Variants in SMPD4 observed in about 807,000 individuals in gnomAD.
SMPD4 encodes the protein neutral sphingomyelinase 3.
SMPD4 carries 58 observed loss-of-function variants against 97.8 expected under a neutral mutation model. The ratio of observed to expected loss-of-function variants is 0.59; its 90% CI spans 0.48 to 0.74. The LOEUF (loss-of-function observed/expected upper bound fraction) is 0.74, where lower values mean the gene tolerates loss of function less well. Among genes scored for constraint, SMPD4 ranks in the 30% least tolerant of loss-of-function variants. SMPD4 has a pLI of 0.00. For missense variants in SMPD4, 853 were observed against 1,080.5 expected (o/e 0.79, Z 2.95); for synonymous variants, 388 against 450.0 (o/e 0.86, Z 1.74).
At chr2:130,170,037 C>CAAA (rs75700996) in intron 8 of SMPD4, among the ~76,000 whole-genome samples, 1 of 106,464 alleles carries the variant, frequency 9.4e-6, no homozygotes. Context: ...CATATCTCCG[C>CAAA]AAAAAAAAAA....
At chr2:130,160,535 C>A (rs147662998) in intron 11 of SMPD4, among the ~76,000 whole-genome samples, 1 of 152,234 alleles carries the variant, frequency 6.6e-6, no homozygotes, top group Non-Finnish European at 1.5e-5. Flanking sequence ...GCAGCTGCAA[C>A]CTCTATGAGG....
intron 9 of SMPD4, 99 bp from the exon 10 acceptor site, chr2:130,164,544 C>G (rs1687741247): frequency 1.1e-6 from 1 of 939,496 alleles, no homozygotes; most frequent in Non-Finnish European, 1.7e-6. Context: ...GCTGGGAACA[C>G]AGAATACCCA....
At chr2:130,170,446 G>A (rs1302168664) in intron 8 of SMPD4, among the ~76,000 whole-genome samples, 1 of 55,922 alleles carries the variant, frequency 1.8e-5, no homozygotes, top group Non-Finnish European at 3.4e-5. Context: ...GGGCAACAGA[G>A]TAAGACCCTG....
chr2:130,154,866 G>T, intron 15 of SMPD4: 1 of 646,908 alleles, frequency 1.5e-6, no homozygotes, highest in Non-Finnish European at 2.6e-6. Flanking sequence ...CCGCTCTGTG[G>T]GCACACCTGC....
At chr2:130,177,446 C>T (rs1689076944) in intron 1 of SMPD4, among the ~76,000 whole-genome samples, 1 of 152,016 alleles carries the variant, frequency 6.6e-6, no homozygotes, top group South Asian at 2.1e-4. Flanking sequence ...ACCTGTAATC[C>T]TAGTACTTTG....
chr2:130,153,494 G>C, intron 17 of SMPD4, 44 bp from the exon 18 acceptor site: 1 of 1,609,168 alleles, frequency 6.2e-7, no homozygotes, highest in Non-Finnish European at 8.5e-7. Flanking sequence ...AAGATGAAGA[G>C]AGGGGACCAG....
intron 2 of SMPD4, among the ~76,000 whole-genome samples, chr2:130,175,472 GGC>G (rs200812596): frequency 0.027 from 4,113 of 152,152 alleles, 149 homozygotes; most frequent in African/African-American, 0.086. Context: ...TCACGGCTAT[GGC>G]AGAAGCTCTC....
At chr2:130,177,765 T>C (rs1008819198) in intron 1 of SMPD4, among the ~76,000 whole-genome samples, 3 of 152,090 alleles carry the variant, frequency 2.0e-5, no homozygotes, top group African/African-American at 4.8e-5. Flanking sequence ...AGAGCCAAGT[T>C]TGTAGTACTG....
At chr2:130,157,156 C>T in intron 12 of SMPD4, 95 bp downstream of exon 12, 1 of 1,472,928 alleles carries the variant, frequency 6.8e-7, no homozygotes, top group Non-Finnish European at 9.1e-7. Context: ...CCTCACCCTG[C>T]CCTCCATGCC....
Position 130,178,472 on chromosome 2 carries a change from A to G in SMPD4, c.-45-1835T>C, listed in dbSNP as rs1349355251. Among the ~76,000 whole-genome samples the G allele has an allele frequency of 5.3e-5, 8 of 152,192 alleles. No individual in the cohort carries two copies. The South Asian group carries it at 1.7e-3, about 31-fold the overall frequency. On this transcript the variant is annotated intron_variant, in intron 1 of 19. Coordinates refer to ENST00000680298, the MANE Select transcript of SMPD4 (RefSeq NM_017951.5). ...ACGGAGGGGAAGAGCAAGCTCTGCC[A>G]AGGGAGCCTTTGAATAAGCCATGAG...
chr2:130,152,608 A>G lies in SMPD4; in HGVS notation c.2431T>C (p.Tyr811His). 1.9e-6 allele frequency: 3 copies of G among 1,552,550 alleles called. No individual in the cohort carries two copies. The highest frequency in any genetic ancestry group is 2.6e-6 in the Non-Finnish European group (3 of 1,148,412). Residue 811 changes from tyrosine to histidine, a missense_variant, in exon 20 of 20, where the codon TAC (tyrosine) becomes CAC (histidine). Tyr to His is a moderately conservative substitution (Grantham distance 83). Around this residue, in one of 3 missense-constraint regions of SMPD4, gnomAD observed 511 missense variants for 608.1 expected, o/e 0.84. Coordinates refer to ENST00000680298, the MANE Select transcript of SMPD4 (RefSeq NM_017951.5). ...GTCAGCAGTGTCATGGCAGAGGCGT[A>G]GAGGACATAGCCCAGGGTGAGCAGC... ...TLLLTLGYVL[Y>H]ASAMTLLTER...
At chr2:130,173,807 G>A (rs1688710036) in intron 3 of SMPD4, 151 bp from the exon 4 acceptor site, 3 of 940,826 alleles carry the variant, frequency 3.2e-6, no homozygotes, top group Middle Eastern at 6.7e-4. Flanking sequence ...AGGAAGCCTG[G>A]TGCCATGGTG....
In SMPD4 at chr2:130,170,955, C is replaced by G. The variant is rs560716082; in HGVS notation, c.659+1394G>C. Among the ~76,000 whole-genome samples the G allele has an allele frequency of 4.6e-5, 7 of 151,392 alleles. 1 individual carries two copies. Among genetic ancestry groups the G allele is most frequent in the Non-Finnish European group, 8.8e-5 (6 of 67,938 alleles). ...CTGTGCCTGTAATCCCAGCTACTTG[C>G]GAGGCTGAGGTGGGAGAATCACTTG... On this transcript the variant is annotated intron_variant, in intron 8 of 19. Coordinates refer to ENST00000680298, the MANE Select transcript of SMPD4 (RefSeq NM_017951.5).
At position 130,181,535 on chromosome 2, in the gene SMPD4, G is replaced by A. The variant is rs1423803265; in HGVS notation, c.-51C>T. The A allele has an allele frequency of 6.2e-7, 1 of 1,604,636 alleles. No individual in the cohort carries two copies. Among genetic ancestry groups the A allele is most frequent in the South Asian group, 1.1e-5 (1 of 89,580 alleles). On this transcript the variant is annotated 5_prime_UTR_variant, in exon 1 of 20. Coordinates refer to ENST00000680298, the MANE Select transcript of SMPD4 (RefSeq NM_017951.5). ...GCGCATCCCGCGCCACTCACCTGTG[G>A]GATCCATAGCGTCGCTCGCCTCAGA...
chr2:130,152,897 C>CA lies in SMPD4; in HGVS notation c.2155-14dup, dbSNP rs776787305. The stretch of plus-strand genomic sequence containing the variant: ...TCTGTCCTGCAAACTGAAGCACAGA[C>CA]AGAGGCACGGGGATGTGGGGTGGTG... On this transcript the variant is annotated splice_polypyrimidine_tract_variant and intron_variant, in intron 19 of 19. Coordinates refer to ENST00000680298, the MANE Select transcript of SMPD4 (RefSeq NM_017951.5). The CA allele has an allele frequency of 5.1e-6, 8 of 1,573,384 alleles. No homozygotes were observed. The highest frequency in any genetic ancestry group is 6.9e-6 in the Non-Finnish European group (8 of 1,157,726).
chr2:130,152,136 G>A lies in SMPD4; in HGVS notation c.*419C>T, dbSNP rs558275685. The stretch of plus-strand genomic sequence containing the variant: ...CTGGTCCCACACAGAGAGAGGAAGC[G>A]CCACAACCCACTCTGCCAACCTCAA... On this transcript the variant is annotated 3_prime_UTR_variant, in exon 20 of 20. Coordinates refer to ENST00000680298, the MANE Select transcript of SMPD4 (RefSeq NM_017951.5). 41 of 181,820 alleles carry A rather than the reference G, an allele frequency of 2.3e-4. No homozygotes were observed. Among genetic ancestry groups the A allele is most frequent in the Middle Eastern group, 2.5e-3 (1 of 402 alleles). The allele number at this position is 181,820 out of a possible 1,614,324, so 11.3% of individuals were successfully genotyped here.
At chr2:130,153,621 T>C in intron 17 of SMPD4, 81 bp downstream of exon 17, 2 of 1,550,850 alleles carry the variant, frequency 1.3e-6, no homozygotes, top group South Asian at 1.2e-5. Flanking sequence ...GACTGGTAGG[T>C]GGCTGACCAC....
In SMPD4 at chr2:130,152,474, G is replaced by A. The variant is rs1686323686; in HGVS notation, c.*81C>T. On this transcript the variant is annotated 3_prime_UTR_variant, in exon 20 of 20. Coordinates refer to ENST00000680298, the MANE Select transcript of SMPD4 (RefSeq NM_017951.5). The stretch of plus-strand genomic sequence containing the variant: ...GAGGATGACCGTGTTCCCTCCTGGA[G>A]GGGCTTCCCAGGTCCTCTCAGCCCA... The A allele has an allele frequency of 3.7e-6, 5 of 1,366,972 alleles. No individual in the cohort carries two copies. The highest frequency in any genetic ancestry group is 1.5e-5 in the African/African-American group (1 of 68,534). The allele number at this position is 1,366,972 out of a possible 1,614,324, so 84.7% of individuals were successfully genotyped here. A position where few individuals can be genotyped will look rare whatever the true frequency, so the allele number is the denominator to read the frequency against.
At position 130,153,399 on chromosome 2, in the gene SMPD4, C is replaced by T. The variant is rs374892984; in HGVS notation, c.1945G>A (p.Asp649Asn). 7.4e-6 allele frequency: 12 copies of T among 1,613,724 alleles called. No individual in the cohort carries two copies. The highest frequency in any genetic ancestry group is 2.2e-5 in the East Asian group (1 of 44,892). Reference sequence around the variant, plus strand: ...GGGAGTTGCTTTTTTCCATTCTCATCCTGGGTGGTGCCCAAGGCGAGTGTG... The same window carrying T: ...GGGAGTTGCTTTTTTCCATTCTCATTCTGGGTGGTGCCCAAGGCGAGTGTG... ...QFTLALGTTQ[D>N]ENGKKQLPDC... The change falls in exon 18 of 20, where the codon GAT becomes AAT. Residue 649 changes from aspartate to asparagine, a missense_variant. By Grantham distance (23) the Asp-to-Asn change is conservative (BLOSUM62 1). This residue lies in a region of SMPD4 where 511 missense variants were observed against 608.1 expected (regional missense o/e 0.84). Transcript: ENST00000680298.
Sources: gnomAD v4.1 joint callset for allele counts (sites outside exome capture counted in the v4.1 genomes callset) on GRCh38, gnomAD v4.1.1 for gene constraint, gnomAD v4.1.1 regional missense constraint, MANE v1.5 for transcripts, NCBI Gene and HGNC (gene_info 2026-07-23, HGNC 2026-07-21) for gene names.